NPTXR: variants seen among roughly 807,000 people sequenced by gnomAD.
NPTXR encodes neuronal pentraxin receptor.
A neutral mutation model predicts 32.2 loss-of-function variants in NPTXR; 12 were observed. That is an observed-to-expected ratio of 0.37 (90% CI 0.24 to 0.60). NPTXR has a LOEUF of 0.60. NPTXR is among the 20% of genes least tolerant of loss of function. The probability of loss-of-function intolerance (pLI) is 0.66; values close to 1 mark genes in which losing one functional copy is unlikely to be tolerated. For missense variants in NPTXR, 612 were observed against 682.9 expected (o/e 0.90, Z 1.16); for synonymous variants, 323 against 315.8 (o/e 1.02, Z -0.24).
intron 1 of NPTXR, among the ~76,000 whole-genome samples, chr22:38,835,386 G>A (rs1188099653): frequency 6.6e-6 from 1 of 152,224 alleles, no homozygotes; most frequent in African/African-American, 2.4e-5. Context: ...CTCCTACCCA[G>A]GTGGGGAACA....
At chr22:38,840,992 C>A (rs1007177648) in intron 1 of NPTXR, among the ~76,000 whole-genome samples, 1 of 152,196 alleles carries the variant, frequency 6.6e-6, no homozygotes, top group African/African-American at 2.4e-5. Context: ...CATTTATCAT[C>A]TTGGGGACAT....
At position 38,828,385 on chromosome 22, in the gene NPTXR, T is replaced by C; in HGVS notation, c.752A>G (p.Lys251Arg). The C allele has an allele frequency of 6.2e-7, 1 of 1,612,894 alleles. No homozygotes were observed. The highest frequency in any genetic ancestry group is 8.5e-7 in the Non-Finnish European group (1 of 1,179,976). Residue 251 changes from lysine (K) to arginine (R), a missense_variant, in exon 2 of 5, where the codon AAG becomes AGG. Transcript: ENST00000333039. ...GCTGTGGCTGAGGGCCACACGCTCC[T>C]TCTCCAGTGCCAGCACCTGGGCCAG...
At chr22:38,836,375 G>T (rs2093123968) in intron 1 of NPTXR, among the ~76,000 whole-genome samples, 1 of 152,196 alleles carries the variant, frequency 6.6e-6, no homozygotes, top group African/African-American at 2.4e-5. Flanking sequence ...CAGAAGAACG[G>T]GTAAATGAAT....
chr22:38,827,575 G>T (rs1412821293), intron 2 of NPTXR, among the ~76,000 whole-genome samples: 1 of 152,096 alleles, frequency 6.6e-6, no homozygotes, highest in Non-Finnish European at 1.5e-5. Flanking sequence ...CATGTAAGCT[G>T]GTCCCAGCTA....
chr22:38,823,371 C>T (rs867810219), intron 3 of NPTXR, 109 bp from the exon 4 acceptor site: 12 of 954,658 alleles, frequency 1.3e-5, no homozygotes, highest in South Asian at 4.7e-5. Flanking sequence ...TTCCAGGGCC[C>T]GACCCCAGGC....
At chr22:38,824,898 T>A (rs2093103986) in intron 3 of NPTXR, among the ~76,000 whole-genome samples, 1 of 152,152 alleles carries the variant, frequency 6.6e-6, no homozygotes, top group Non-Finnish European at 1.5e-5. Context: ...CCCTCCAGAA[T>A]GCCATGAAAT....
At chr22:38,827,556 CCT>C (rs1338803317) in intron 2 of NPTXR, among the ~76,000 whole-genome samples, 2 of 152,138 alleles carry the variant, frequency 1.3e-5, no homozygotes, top group Admixed American at 6.5e-5. Context: ...CTCCTGAACC[CCT>C]GTTCCCCATG....
At chr22:38,825,885 C>G (rs1440198305) in intron 3 of NPTXR, among the ~76,000 whole-genome samples, 1 of 149,132 alleles carries the variant, frequency 6.7e-6, no homozygotes, top group East Asian at 2.0e-4. Flanking sequence ...CTCTGTCGCC[C>G]AGGCTGGAGT....
In NPTXR at chr22:38,822,631, C is replaced by T. The variant is rs1440179701; in HGVS notation, c.1481G>A (p.Cys494Tyr). 6.2e-7 allele frequency: 1 copy of T among 1,612,814 alleles called. No individual in the cohort carries two copies. Among genetic ancestry groups the T allele is most frequent in the Admixed American group, 1.7e-5 (1 of 59,912 alleles). The change falls in exon 5 of 5, where the codon TGC becomes TAC. Residue 494 changes from cysteine (C) to tyrosine (Y), a missense_variant. Physicochemically the swap from Cys to Tyr is radical, Grantham distance 194. Coordinates refer to ENST00000333039, the MANE Select transcript of NPTXR (RefSeq NM_014293.4). ...CCCTCATGCCTTGGCCCTCCCCTTGCAGACATCGAAGGCAGCCTTTGTTGC... is the reference window on the plus strand; with the variant it reads ...CCCTCATGCCTTGGCCCTCCCCTTGTAGACATCGAAGGCAGCCTTTGTTGC...
At chr22:38,827,062 T>TCCA (rs1204131555) in intron 2 of NPTXR, among the ~76,000 whole-genome samples, 1 of 152,068 alleles carries the variant, frequency 6.6e-6, no homozygotes, top group East Asian at 1.9e-4. Context: ...AGGTTGCTTC[T>TCCA]CCTGTTCCTG....
chr22:38,841,859 T>G (rs1217388549), intron 1 of NPTXR, among the ~76,000 whole-genome samples: 2 of 152,212 alleles, frequency 1.3e-5, no homozygotes, highest in Admixed American at 6.5e-5. Context: ...TTCCTGCTCT[T>G]GGTTCTCTCA....
intron 1 of NPTXR, among the ~76,000 whole-genome samples, chr22:38,833,212 C>T (rs1003097747): frequency 8.5e-5 from 13 of 152,224 alleles, no homozygotes; most frequent in African/African-American, 2.7e-4. Flanking sequence ...TCCCAGCTGG[C>T]AGTGAGGCAG....
chr22:38,822,527 T>G lies in NPTXR; in HGVS notation c.*82A>C. On this transcript the variant is annotated 3_prime_UTR_variant, in exon 5 of 5. Coordinates refer to ENST00000333039, the MANE Select transcript of NPTXR (RefSeq NM_014293.4). ...TGGGGCAGGAGGGAAGGCCAGTGCGTGGGCAGGCTGAGGAGGGAATATGAC... is the reference window on the plus strand; with the variant it reads ...TGGGGCAGGAGGGAAGGCCAGTGCGGGGGCAGGCTGAGGAGGGAATATGAC... 2.4e-6 allele frequency: 3 copies of G among 1,251,508 alleles called. No homozygotes were observed. The highest frequency in any genetic ancestry group is 3.4e-6 in the Non-Finnish European group (3 of 882,450). 77.5% of individuals were successfully genotyped at this position (1,251,508 alleles called of 1,614,324 possible). A position where few individuals can be genotyped will look rare whatever the true frequency, so the allele number is the denominator to read the frequency against.
At chr22:38,827,668 G>T (rs967889453) in intron 2 of NPTXR, among the ~76,000 whole-genome samples, 2 of 152,180 alleles carry the variant, frequency 1.3e-5, no homozygotes, top group Non-Finnish European at 1.5e-5. Flanking sequence ...AAGCTGAAAG[G>T]TCTTTGAGAG....
At chr22:38,833,121 C>T (rs140774172) in intron 1 of NPTXR, among the ~76,000 whole-genome samples, 1 of 152,184 alleles carries the variant, frequency 6.6e-6, no homozygotes, top group Non-Finnish European at 1.5e-5. Context: ...CAGGCCTACA[C>T]TGCTGGTCTG....
intron 1 of NPTXR, among the ~76,000 whole-genome samples, chr22:38,836,353 C>T (rs978996339): frequency 6.6e-6 from 1 of 152,228 alleles, no homozygotes; most frequent in Non-Finnish European, 1.5e-5. Context: ...AAACAACCCA[C>T]AGATCCATCC....
chr22:38,820,242 C>T lies in NPTXR; in HGVS notation c.*2367G>A, dbSNP rs980326947. 6.6e-6 allele frequency: 1 copy of T among 152,650 alleles called. No individual in the cohort carries two copies. Among genetic ancestry groups the T allele is most frequent in the Admixed American group, 6.5e-5 (1 of 15,276 alleles). 9.5% of individuals were successfully genotyped at this position (152,650 alleles called of 1,614,324 possible). Reference sequence around the variant, plus strand: ...TAGGTCTCAGCAGGTCTGGCTGAAGCCCGCCATTGCCTTTTCTTCCAGTGG... The same window carrying T: ...TAGGTCTCAGCAGGTCTGGCTGAAGTCCGCCATTGCCTTTTCTTCCAGTGG... On this transcript the variant is annotated 3_prime_UTR_variant, in exon 5 of 5. Transcript: ENST00000333039.
intron 1 of NPTXR, among the ~76,000 whole-genome samples, chr22:38,833,379 G>T (rs936601922): frequency 6.6e-6 from 1 of 152,192 alleles, no homozygotes; most frequent in East Asian, 1.9e-4. Context: ...GCAGCCTTCA[G>T]GGGGAGCAGT....
intron 3 of NPTXR, among the ~76,000 whole-genome samples, chr22:38,823,672 C>T (rs1314612827): frequency 1.3e-5 from 2 of 152,214 alleles, no homozygotes; most frequent in East Asian, 3.9e-4. Context: ...CAGCATCTGG[C>T]CCTGGCTCTG....
Sources: gnomAD v4.1 joint callset for allele counts (sites outside exome capture counted in the v4.1 genomes callset) on GRCh38, gnomAD v4.1.1 for gene constraint, MANE v1.5 for transcripts, NCBI Gene and HGNC (gene_info 2026-07-23, HGNC 2026-07-21) for gene names.